ADAMTSL1: variants seen among roughly 807,000 people sequenced by gnomAD.
ADAMTSL1 encodes the protein ADAMTS-like protein 1.
Under a neutral mutation model 201.8 loss-of-function variants are expected in ADAMTSL1, and 126 were observed. The ratio of observed to expected loss-of-function variants is 0.62; its 90% CI spans 0.54 to 0.72. The LOEUF (loss-of-function observed/expected upper bound fraction) is 0.72, where lower values mean the gene tolerates loss of function less well. Ranked by LOEUF, ADAMTSL1 falls within the 30% of genes least tolerant of loss-of-function variation. The pLI is 0.00. For synonymous variants in ADAMTSL1, 1,121 were observed against 903.4 expected (o/e 1.24, Z -4.32); for missense variants, 2,679 against 2,277.8 (o/e 1.18, Z -3.59).
intron 20 of ADAMTSL1, among the ~76,000 whole-genome samples, chr9:18,798,615 G>A (rs770918673): frequency 6.6e-6 from 1 of 152,150 alleles, no homozygotes; most frequent in Non-Finnish European, 1.5e-5. Flanking sequence ...GTGTCAAATA[G>A]GGAAGCTAGA....
chr9:18,029,305 C>T (rs959781342), intron 1 of ADAMTSL1, among the ~76,000 whole-genome samples: 1 of 152,092 alleles, frequency 6.6e-6, no homozygotes, highest in Non-Finnish European at 1.5e-5. Flanking sequence ...GAAAGGATTT[C>T]CTATTTAATA....
At chr9:18,105,974 T>A in intron 1 of ADAMTSL1, among the ~76,000 whole-genome samples, 1 of 152,206 alleles carries the variant, frequency 6.6e-6, no homozygotes, top group Admixed American at 6.5e-5. Flanking sequence ...CAAAAGATTA[T>A]TTTGCAATAT....
chr9:18,158,003 A>G (rs895171272), intron 1 of ADAMTSL1, among the ~76,000 whole-genome samples: 1 of 152,034 alleles, frequency 6.6e-6, no homozygotes, highest in Non-Finnish European at 1.5e-5. Context: ...CCACCAACAC[A>G]GCAACCAAAA....
At chr9:18,521,042 A>G (rs1818661404) in intron 2 of ADAMTSL1, among the ~76,000 whole-genome samples, 1 of 152,134 alleles carries the variant, frequency 6.6e-6, no homozygotes, top group Admixed American at 6.6e-5. Flanking sequence ...GGATGCATTT[A>G]TTTCTAGCAT....
In ADAMTSL1 at chr9:18,672,229, T is replaced by A. The variant is rs1305966599; in HGVS notation, c.1086-3628T>A. 2.0e-5 allele frequency among the ~76,000 whole-genome samples: 3 copies of A among 151,806 alleles called. No homozygotes were observed. The East Asian group carries it at 5.8e-4, about 29-fold the overall frequency. On this transcript the variant is annotated intron_variant, in intron 9 of 28. Transcript: ENST00000380548. ...CTGGGGACTCTGTTCTAAAGTAGCA[T>A]CTTAGATCACTTCTGCACAGACTCA...
At chr9:18,299,884 G>A (rs766256996) in intron 2 of ADAMTSL1, among the ~76,000 whole-genome samples, 1 of 152,204 alleles carries the variant, frequency 6.6e-6, no homozygotes, top group African/African-American at 2.4e-5. Context: ...GGATCCTAAA[G>A]TATTTCAAAG....
At chr9:18,847,505 A>G (rs530114110) in intron 23 of ADAMTSL1, among the ~76,000 whole-genome samples, 22 of 152,376 alleles carry the variant, frequency 1.4e-4, no homozygotes, top group Admixed American at 8.5e-4. Context: ...AGTGCTATAA[A>G]GAAAAATAAA....
chr9:18,285,180 A>G (rs554718277), intron 2 of ADAMTSL1, among the ~76,000 whole-genome samples: 3 of 152,306 alleles, frequency 2.0e-5, no homozygotes, highest in African/African-American at 4.8e-5. Flanking sequence ...CAGTATATAA[A>G]AGTGTCCGTT....
chr9:18,536,347 T>G (rs559094345), intron 3 of ADAMTSL1, among the ~76,000 whole-genome samples: 64 of 152,218 alleles, frequency 4.2e-4, no homozygotes, highest in African/African-American at 1.5e-3. Flanking sequence ...ATTCAGCCTC[T>G]TTTCCTATTT....
intron 13 of ADAMTSL1, among the ~76,000 whole-genome samples, chr9:18,701,549 C>A (rs943866891): frequency 2.0e-5 from 3 of 152,144 alleles, no homozygotes; most frequent in Non-Finnish European, 4.4e-5. Flanking sequence ...ACATATTATT[C>A]AGTTTATTCC....
intron 2 of ADAMTSL1, among the ~76,000 whole-genome samples, chr9:18,374,437 G>A (rs1047930670): frequency 6.6e-5 from 10 of 151,674 alleles, no homozygotes; most frequent in African/African-American, 2.4e-4. Flanking sequence ...AGGCTTGAGC[G>A]ATCCCCCAAC....
intron 1 of ADAMTSL1, among the ~76,000 whole-genome samples, chr9:18,132,427 T>G (rs759176681): frequency 2.0e-5 from 3 of 152,202 alleles, no homozygotes; most frequent in Non-Finnish European, 4.4e-5. Flanking sequence ...ACTGAAACTC[T>G]ACCCATTGAA....
At chr9:18,643,988 A>G (rs780808422) in intron 7 of ADAMTSL1, among the ~76,000 whole-genome samples, 19 of 152,006 alleles carry the variant, frequency 1.2e-4, no homozygotes, top group Non-Finnish European at 2.5e-4. Context: ...ACATTTAACA[A>G]TATAAATTCT....
At chr9:18,514,064 C>T (rs1265657709) in intron 2 of ADAMTSL1, among the ~76,000 whole-genome samples, 5 of 151,918 alleles carry the variant, frequency 3.3e-5, no homozygotes, top group Non-Finnish European at 7.4e-5. Context: ...CGCATTGTAT[C>T]TATAGATCAC....
In ADAMTSL1 at chr9:17,918,859, G is replaced by T. The variant is rs536597406; in HGVS notation, c.87+11937G>T. Among the ~76,000 whole-genome samples, 5 of 151,758 alleles carry T rather than the reference G, an allele frequency of 3.3e-5. No individual in the cohort carries two copies. The East Asian group carries it at 9.7e-4, about 29-fold the overall frequency. ...TGCTTTATTTTAAAGCTCTGTTATTGGGTACATAAATGTTTAGGATTGTTA... is the reference window on the plus strand; with the variant it reads ...TGCTTTATTTTAAAGCTCTGTTATTTGGTACATAAATGTTTAGGATTGTTA... On this transcript the variant is annotated intron_variant, in intron 1 of 29. Coordinates refer to the ADAMTSL1 transcript ENST00000680146.
chr9:17,939,979 T>C (rs992011130), intron 1 of ADAMTSL1, among the ~76,000 whole-genome samples: 4 of 151,754 alleles, frequency 2.6e-5, no homozygotes, highest in Non-Finnish European at 5.9e-5. Context: ...AGAACCAGAG[T>C]GTTGGTAGAG....
intron 3 of ADAMTSL1, among the ~76,000 whole-genome samples, chr9:18,556,183 T>G (rs75132518): frequency 6.6e-6 from 1 of 151,816 alleles, no homozygotes; most frequent in Non-Finnish European, 1.5e-5. Context: ...CCAGAAGTAA[T>G]TGTCCACTTT....
chr9:18,765,631 G>C (rs1820313997), intron 16 of ADAMTSL1, among the ~76,000 whole-genome samples: 1 of 152,188 alleles, frequency 6.6e-6, no homozygotes, highest in Non-Finnish European at 1.5e-5. Context: ...GAAAAGGAGA[G>C]AGCATGTGTA....
chr9:18,520,612 A>G (rs1818632686), intron 2 of ADAMTSL1, among the ~76,000 whole-genome samples: 1 of 152,162 alleles, frequency 6.6e-6, no homozygotes, highest in African/African-American at 2.4e-5. Flanking sequence ...TTGGCTCCCT[A>G]GGGCCTTGTT....
Sources: allele counts gnomAD v4.1 joint callset (sites outside exome capture counted in the v4.1 genomes callset), GRCh38; gene constraint gnomAD v4.1.1; transcripts MANE v1.5; gene names NCBI Gene and HGNC (gene_info 2026-07-23, HGNC 2026-07-21).